EFCAB6: variants seen among roughly 807,000 people sequenced by gnomAD.
EFCAB6 encodes the protein EF-hand calcium-binding domain-containing protein 6.
EFCAB6 carries 156 observed loss-of-function variants against 169.8 expected under a neutral mutation model. The observed-to-expected ratio is 0.92, with a 90% CI of 0.81 to 1.05. EFCAB6 has a LOEUF of 1.05. Ranked by LOEUF, EFCAB6 falls within the 50% of genes least tolerant of loss-of-function variation. EFCAB6 has a pLI of 0.00. For synonymous variants in EFCAB6, 698 were observed against 676.4 expected, an observed-to-expected ratio of 1.03 and a Z score of -0.50; for missense variants, 1,800 against 1,829.1, an observed-to-expected ratio of 0.98 and a Z score of 0.29.
intron 17 of EFCAB6, among the ~76,000 whole-genome samples, chr22:43,666,678 T>G (rs1168360354): frequency 6.8e-6 from 1 of 146,594 alleles, no homozygotes; most frequent in Non-Finnish European, 1.5e-5. Flanking sequence ...TTCCCATATT[T>G]CACTGCCAGA....
intron 12 of EFCAB6, among the ~76,000 whole-genome samples, chr22:43,682,938 C>T (rs150580043): frequency 2.4e-4 from 36 of 152,290 alleles, no homozygotes; most frequent in African/African-American, 8.7e-4. Flanking sequence ...CTGGGGTCTC[C>T]ACAGACAGCA....
chr22:43,796,898 C>T (rs191094755), intron 2 of EFCAB6, among the ~76,000 whole-genome samples: 34 of 152,296 alleles, frequency 2.2e-4, no homozygotes, highest in Non-Finnish European at 4.1e-4. Context: ...CCTGCTGTCT[C>T]GCAGTGACGT....
rs747787524 is a variant in EFCAB6 at position 43,600,260 on chromosome 22, G to A, written c.2685C>T (p.Tyr895=). Reference sequence around the variant, plus strand: ...TAATGTGCCCTTTTCCCTCGGTGTCGTATCTTAAAACAAAAACAAAAACAG... The same window carrying A: ...TAATGTGCCCTTTTCCCTCGGTGTCATATCTTAAAACAAAAACAAAAACAG... ...PREFEKLWAR[Y]DTEGKGHITY... is the part of the protein sequence containing the mutation. Residue 895 remains tyrosine (Y), a synonymous_variant, in exon 23 of 32, where the codon TAC becomes TAT. Transcript: ENST00000262726. 36 of 1,613,334 alleles carry A rather than the reference G, an allele frequency of 2.2e-5. No individual in the cohort carries two copies. The South Asian group carries it at 2.4e-4, about 11-fold the overall frequency.
At chr22:43,712,644 G>A (rs2059200583) in intron 9 of EFCAB6, among the ~76,000 whole-genome samples, 1 of 152,168 alleles carries the variant, frequency 6.6e-6, no homozygotes, top group African/African-American at 2.4e-5. Context: ...CTTTCAGGGA[G>A]GTGGGCTGCA....
At chr22:43,677,803 C>CT (rs1229886838) in intron 13 of EFCAB6, among the ~76,000 whole-genome samples, 193 bp downstream of exon 13, 1 of 151,926 alleles carries the variant, frequency 6.6e-6, no homozygotes, top group Non-Finnish European at 1.5e-5. Context: ...AATTACCATC[C>CT]TTTTTTAAGA....
chr22:43,561,007 G>A (rs1602263890), intron 26 of EFCAB6, among the ~76,000 whole-genome samples: 1 of 152,296 alleles, frequency 6.6e-6, no homozygotes, highest in Non-Finnish European at 1.5e-5. Flanking sequence ...CTGGCCGCCC[G>A]TGCAAATACT....
chr22:43,742,299 C>T (rs1223908430), intron 6 of EFCAB6, among the ~76,000 whole-genome samples: 1 of 152,222 alleles, frequency 6.6e-6, no homozygotes, highest in Non-Finnish European at 1.5e-5. Flanking sequence ...ATTGTATTGG[C>T]ACACAGCCAC....
intron 7 of EFCAB6, among the ~76,000 whole-genome samples, chr22:43,734,466 T>C (rs1370414495): frequency 2.0e-5 from 3 of 152,180 alleles, no homozygotes; most frequent in Non-Finnish European, 2.9e-5. Flanking sequence ...TCAATACTTA[T>C]GAGATGGGGA....
At chr22:43,627,641 A>AGGCGGGTTGG (rs2054620949) in intron 19 of EFCAB6, among the ~76,000 whole-genome samples, 2 of 152,162 alleles carry the variant, frequency 1.3e-5, no homozygotes, top group Non-Finnish European at 2.9e-5. Flanking sequence ...CCCGGGTCTC[A>AGGCGGGTTGG]GGCCTGAAAA....
chr22:43,810,378 C>T (rs1487897088), intron 1 of EFCAB6, among the ~76,000 whole-genome samples: 2 of 152,118 alleles, frequency 1.3e-5, no homozygotes, highest in African/African-American at 4.8e-5. Flanking sequence ...ACAAAGTAAA[C>T]AAAATAGCAG....
chr22:43,697,802 C>T (rs1010424021), intron 10 of EFCAB6, among the ~76,000 whole-genome samples: 3 of 152,078 alleles, frequency 2.0e-5, no homozygotes, highest in African/African-American at 4.8e-5. Flanking sequence ...GTAGAGACAT[C>T]GTAGCATGTG....
At chr22:43,676,350 GGGAGGT>G (rs2057758688) in intron 13 of EFCAB6, among the ~76,000 whole-genome samples, 1 of 150,658 alleles carries the variant, frequency 6.6e-6, no homozygotes, top group Admixed American at 6.6e-5. Flanking sequence ...CCAGGAGGCA[GGGAGGT>G]TGCAGTGAGC....
intron 21 of EFCAB6, among the ~76,000 whole-genome samples, chr22:43,614,840 G>A (rs1054644395): frequency 6.6e-6 from 1 of 152,074 alleles, no homozygotes; most frequent in African/African-American, 2.4e-5. Context: ...TGTCTGTGGA[G>A]TCCACAGCAC....
chr22:43,765,870 A>T (rs953702371), intron 4 of EFCAB6, among the ~76,000 whole-genome samples: 3 of 152,206 alleles, frequency 2.0e-5, no homozygotes, highest in African/African-American at 7.2e-5. Context: ...AAGTGGGTCA[A>T]TACAGACTGT....
At chr22:43,629,510 A>G (rs2054775585) in intron 19 of EFCAB6, among the ~76,000 whole-genome samples, 2 of 152,166 alleles carry the variant, frequency 1.3e-5, no homozygotes, top group Admixed American at 1.3e-4. Context: ...GCAAATACAA[A>G]TCGGTCATGT....
chr22:43,530,064 C>G (rs1283811247), intron 31 of EFCAB6, among the ~76,000 whole-genome samples: 1 of 152,340 alleles, frequency 6.6e-6, no homozygotes, highest in Non-Finnish European at 1.5e-5. Context: ...GAAAAGGAAG[C>G]TGAGCCTGGT....
At chr22:43,644,191 C>T (rs569262167) in intron 17 of EFCAB6, among the ~76,000 whole-genome samples, 4 of 152,112 alleles carry the variant, frequency 2.6e-5, no homozygotes, top group Admixed American at 6.5e-5. Flanking sequence ...CGTGACCAAA[C>T]GGAAGGGACA....
At chr22:43,630,422 T>C (rs957785435) in intron 19 of EFCAB6, among the ~76,000 whole-genome samples, 6 of 152,348 alleles carry the variant, frequency 3.9e-5, no homozygotes, top group South Asian at 4.1e-4. Context: ...AGGATATACG[T>C]TGGCTGTAGC....
At position 43,555,067 on chromosome 22, in the gene EFCAB6, G is replaced by A. The variant is rs776362904; in HGVS notation, c.3450C>T (p.Pro1150=). The part of the protein sequence containing the change: ...ETADEWAEKM[P]KGPPPTSPKA... ...TGGGAGAGGTAGGCGGCGGGCCTTT[G>A]GGCATTTTCTCAGCCCACTCATCAG... The change falls in exon 27 of 32, where the codon CCC becomes CCT. Residue 1150 remains proline (P), a synonymous_variant. Transcript: ENST00000262726. 1 of 1,614,230 alleles carries A rather than the reference G, an allele frequency of 6.2e-7. No homozygotes were observed. Among genetic ancestry groups the A allele is most frequent in the Non-Finnish European group, 8.5e-7 (1 of 1,180,046 alleles).
Sources: allele counts gnomAD v4.1 joint callset (sites outside exome capture counted in the v4.1 genomes callset), GRCh38; gene constraint gnomAD v4.1.1; transcripts MANE v1.5; gene names NCBI Gene and HGNC (gene_info 2026-07-23, HGNC 2026-07-21).